Variants in CCDC171 observed in about 807,000 individuals in gnomAD.
CCDC171 encodes the protein coiled-coil domain-containing protein 171.
In CCDC171, 177 loss-of-function variants were observed where a neutral mutation model predicts 168.2. The ratio of observed to expected loss-of-function variants is 1.05; its 90% CI spans 0.93 to 1.19. The LOEUF is 1.19. Among genes scored for constraint, CCDC171 ranks in the 50% most tolerant of loss-of-function variants. CCDC171 has a pLI of 0.00. For missense variants in CCDC171, 1,991 were observed against 1,539.0 expected (o/e 1.29, Z -4.91); for synonymous variants, 687 against 540.8 (o/e 1.27, Z -3.75).
intron 23 of CCDC171, among the ~76,000 whole-genome samples, chr9:15,870,314 G>A (rs1239960614): frequency 2.0e-5 from 3 of 151,594 alleles, no homozygotes; most frequent in East Asian, 3.9e-4. Context: ...GACAAAGGAG[G>A]GCAAGAAAAT....
chr9:15,766,549 T>G (rs1342332767), intron 18 of CCDC171, among the ~76,000 whole-genome samples: 1 of 152,032 alleles, frequency 6.6e-6, no homozygotes, highest in Admixed American at 6.5e-5. Flanking sequence ...AAGGCAGAAT[T>G]TCTGATTGTT....
intron 6 of CCDC171, among the ~76,000 whole-genome samples, chr9:15,603,230 C>T (rs372897204): frequency 5.3e-5 from 8 of 152,078 alleles, no homozygotes; most frequent in South Asian, 4.2e-4. Flanking sequence ...GTGATCTTCC[C>T]GCCTCAGCCT....
intron 24 of CCDC171, among the ~76,000 whole-genome samples, chr9:15,913,818 G>C (rs567760652): frequency 2.6e-5 from 4 of 152,268 alleles, no homozygotes; most frequent in African/African-American, 7.2e-5. Context: ...CCTTCGGATG[G>C]AGTTTTTGCA....
chr9:15,998,433 G>A (rs1471081400), intron 3 of CCDC171, among the ~76,000 whole-genome samples: 1 of 152,202 alleles, frequency 6.6e-6, no homozygotes, highest in African/African-American at 2.4e-5. Context: ...TTCCAAGTCT[G>A]TGGATCAGGC....
intron 24 of CCDC171, among the ~76,000 whole-genome samples, chr9:15,898,754 G>T (rs1821242038): frequency 6.6e-6 from 1 of 152,042 alleles, no homozygotes. Flanking sequence ...GCACAGGGAG[G>T]TCCCTGTGTA....
At position 15,571,645 on chromosome 9, in the gene CCDC171, T is replaced by C; in HGVS notation, c.63T>C (p.Asp21=). The C allele has an allele frequency of 6.4e-7, 1 of 1,565,364 alleles. No homozygotes were observed. The highest frequency in any genetic ancestry group is 8.6e-7 in the Non-Finnish European group (1 of 1,162,632). ...AAAGGTTGAAGATTGCCTCATTGGA[T>C]GTAAAACAAATACTTAAAAATGAAA... is the stretch of plus-strand genomic sequence containing the variant. ...DTQRLKIASL[D]VKQILKNETE... Residue 21 remains aspartate, a synonymous_variant, in exon 3 of 26, where the codon GAT becomes GAC. Transcript: ENST00000380701.
chr9:16,009,111 CTAT>C (rs1319352324), intron 3 of CCDC171, among the ~76,000 whole-genome samples: 1 of 152,064 alleles, frequency 6.6e-6, no homozygotes, highest in African/African-American at 2.4e-5. Context: ...GATGCTTTCT[CTAT>C]TATTATGGAG....
chr9:16,014,659 T>C (rs1352768935), intron 3 of CCDC171, among the ~76,000 whole-genome samples: 2 of 152,160 alleles, frequency 1.3e-5, no homozygotes, highest in Non-Finnish European at 2.9e-5. Flanking sequence ...ATGGACATTG[T>C]GTTTGCAGGC....
chr9:16,086,060 C>T, the CCDC171 span, among the ~76,000 whole-genome samples: 10 of 151,934 alleles, frequency 6.6e-5, no homozygotes, highest in East Asian at 1.9e-4. Context: ...TGTGGCTCAC[C>T]GGCTGTGAGT....
At chr9:15,876,283 C>T (rs1817835363) in intron 24 of CCDC171, among the ~76,000 whole-genome samples, 2 of 152,008 alleles carry the variant, frequency 1.3e-5, no homozygotes, top group Non-Finnish European at 2.9e-5. Flanking sequence ...TAGTAGTATA[C>T]ATCATAGTTG....
intron 21 of CCDC171, among the ~76,000 whole-genome samples, chr9:15,791,038 C>G (rs557918689): frequency 6.6e-6 from 1 of 152,156 alleles, no homozygotes; most frequent in African/African-American, 2.4e-5. Context: ...CGTGATGCCT[C>G]CAGCTTTGTT....
intron 4 of CCDC171, 47 bp downstream of exon 4, chr9:15,579,070 T>G (rs1332527343): frequency 6.9e-7 from 1 of 1,444,460 alleles, no homozygotes. Context: ...GTAACCTGAT[T>G]GTATATCACT....
At chr9:15,577,430 C>G (rs12002348) in intron 3 of CCDC171, among the ~76,000 whole-genome samples, 4 of 152,150 alleles carry the variant, frequency 2.6e-5, no homozygotes, top group Non-Finnish European at 5.9e-5. Context: ...GCACTTCATC[C>G]TAAACAACTG....
chr9:15,579,105 T>C (rs2040915757), intron 4 of CCDC171, 82 bp downstream of exon 4: 20 of 1,073,340 alleles, frequency 1.9e-5, no homozygotes, highest in Non-Finnish European at 2.3e-5. Context: ...GTACATCCCA[T>C]ACAGGGTCAG....
At chr9:15,814,408 T>C (rs901927475) in intron 21 of CCDC171, among the ~76,000 whole-genome samples, 4 of 152,180 alleles carry the variant, frequency 2.6e-5, no homozygotes, top group African/African-American at 7.2e-5. Context: ...TAGGCTCTTA[T>C]AAATGAAAAT....
At chr9:15,823,175 G>A (rs9406539) in intron 21 of CCDC171, among the ~76,000 whole-genome samples, 65,968 of 151,836 alleles carry the variant, frequency 0.43, 14,521 homozygotes, top group Non-Finnish European at 0.46. Context: ...TCACACACCG[G>A]GTTTGTTGTG....
intron 6 of CCDC171, among the ~76,000 whole-genome samples, chr9:15,607,083 A>G (rs1587366718): frequency 6.6e-6 from 1 of 152,160 alleles, no homozygotes; most frequent in East Asian, 1.9e-4. Flanking sequence ...GCATCTCAGG[A>G]TTGGATGATA....
chr9:15,703,095 G>A (rs756797624), intron 11 of CCDC171, among the ~76,000 whole-genome samples: 4 of 152,006 alleles, frequency 2.6e-5, no homozygotes, highest in South Asian at 4.1e-4. Context: ...TAGTAGAGAC[G>A]GGGTTTCACC....
chr9:15,988,987 A>T (rs1009255613), intron 3 of CCDC171, among the ~76,000 whole-genome samples: 1 of 151,956 alleles, frequency 6.6e-6, no homozygotes, highest in African/African-American at 2.4e-5. Flanking sequence ...GCCTCTGTAG[A>T]CTCCACCTCT....
Sources: allele counts gnomAD v4.1 joint callset (sites outside exome capture counted in the v4.1 genomes callset), GRCh38; gene constraint gnomAD v4.1.1; transcripts MANE v1.5; gene names NCBI Gene and HGNC (gene_info 2026-07-23, HGNC 2026-07-21).